The following APPL1 variants were observed in gnomAD, a reference collection of about 807,000 sequenced individuals.
APPL1 encodes adaptor protein, phosphotyrosine interacting with PH domain and leucine zipper 1, also known as DCC-interacting protein 13-alpha.
APPL1 carries 42 observed loss-of-function variants against 106.8 expected under a neutral mutation model. The ratio of observed to expected loss-of-function variants is 0.39; its 90% CI spans 0.31 to 0.51. The LOEUF (loss-of-function observed/expected upper bound fraction) is 0.51, where lower values mean the gene tolerates loss of function less well. Ranked by LOEUF, APPL1 falls within the 20% of genes least tolerant of loss-of-function variation. The probability of loss-of-function intolerance (pLI) is 0.75; values close to 1 mark genes in which losing one functional copy is unlikely to be tolerated. For missense variants in APPL1, 769 were observed against 858.2 expected (o/e 0.90, Z 1.30); for synonymous variants, 263 against 281.8 (o/e 0.93, Z 0.67).
chr3:57,268,712 C>A (rs2060912794), intron 21 of APPL1: 1 of 306,314 alleles, frequency 3.3e-6, no homozygotes, highest in Non-Finnish European at 5.7e-6. Context: ...CAAAAATATA[C>A]CAGAACTTTA....
intron 2 of APPL1, 38 bp downstream of exon 2, chr3:57,235,702 C>G: frequency 6.8e-7 from 1 of 1,475,992 alleles, no homozygotes; most frequent in Non-Finnish European, 9.4e-7. Flanking sequence ...TTTTAAAACA[C>G]GAATCTTTAA....
In APPL1 at chr3:57,271,481, C is replaced by T. The variant is rs1244788829; in HGVS notation, c.*1794C>T. ...AAGTTGGAATTTATTCTGTTGCCAG[C>T]ATTTAAGTAGTCATGGCAAGTCCTG... is the stretch of plus-strand genomic sequence containing the variant. On this transcript the variant is annotated 3_prime_UTR_variant, in exon 22 of 22. Transcript: ENST00000288266. The T allele has an allele frequency of 2.0e-5, 3 of 152,344 alleles. No homozygotes were observed. Among genetic ancestry groups the T allele is most frequent in the Non-Finnish European group, 4.4e-5 (3 of 68,026 alleles). 9.4% of individuals were successfully genotyped at this position (152,344 alleles called of 1,614,324 possible). A position where few individuals can be genotyped will look rare whatever the true frequency, so the allele number is the denominator to read the frequency against.
At chr3:57,235,378 T>C (rs1237070941) in intron 1 of APPL1, among the ~76,000 whole-genome samples, 188 bp from the exon 2 acceptor site, 1 of 152,140 alleles carries the variant, frequency 6.6e-6, no homozygotes, top group Non-Finnish European at 1.5e-5. Context: ...ACCTCTGCTT[T>C]GTTGAAGTGA....
chr3:57,262,287 T>C (rs2060870377), intron 19 of APPL1, among the ~76,000 whole-genome samples: 1 of 151,876 alleles, frequency 6.6e-6, no homozygotes, highest in African/African-American at 2.4e-5. Context: ...TTGCCTATAC[T>C]TTTGAGGTCT....
intron 15 of APPL1, among the ~76,000 whole-genome samples, chr3:57,257,882 T>G (rs964700579): frequency 1.3e-5 from 2 of 152,214 alleles, no homozygotes; most frequent in African/African-American, 4.8e-5. Flanking sequence ...AGTTGTATGA[T>G]GAATATTCTC....
intron 1 of APPL1, among the ~76,000 whole-genome samples, chr3:57,231,356 AAAAG>A (rs2060686135): frequency 6.7e-6 from 1 of 150,234 alleles, no homozygotes; most frequent in Non-Finnish European, 1.5e-5. Context: ...AAAAAAAAAA[AAAAG>A]AAAATTTTTT....
At chr3:57,253,005 T>A (rs979478800) in intron 12 of APPL1, among the ~76,000 whole-genome samples, 1 of 152,178 alleles carries the variant, frequency 6.6e-6, no homozygotes, top group Non-Finnish European at 1.5e-5. Flanking sequence ...AAAAGAGTAA[T>A]ATTAAAACTT....
At chr3:57,230,604 A>T (rs888205348) in intron 1 of APPL1, 1 of 270,466 alleles carries the variant, frequency 3.7e-6, no homozygotes, top group African/African-American at 2.3e-5. Context: ...TGATTTCACA[A>T]CCCTTTGCTG....
rs535981003 is a variant in APPL1, at chr3:57,234,241, A to G, written c.55-1325A>G. 1.3e-3 allele frequency among the ~76,000 whole-genome samples: 202 copies of G among 150,410 alleles called. 2 individuals are homozygous for G. The highest frequency in any genetic ancestry group is 1.4e-3 in the Non-Finnish European group (97 of 67,734). On this transcript the variant is annotated intron_variant, in intron 1 of 21. Transcript: ENST00000288266. ...TTTGGGATGTAATGTGAGTATGTCT[A>G]CCTTGCCTTTGATAGCCTTAGTTTC...
chr3:57,261,719 C>T (rs923018230), intron 19 of APPL1, among the ~76,000 whole-genome samples: 4 of 152,058 alleles, frequency 2.6e-5, no homozygotes, highest in South Asian at 2.1e-4. Context: ...GGGGTTTCAC[C>T]GTGTTAGCCA....
At chr3:57,234,397 A>G (rs1424730991) in intron 1 of APPL1, among the ~76,000 whole-genome samples, 1 of 145,410 alleles carries the variant, frequency 6.9e-6, no homozygotes, top group Non-Finnish European at 1.5e-5. Flanking sequence ...TCCCAGGTTC[A>G]CGCCATTCTC....
At chr3:57,254,715 C>T (rs1168274576) in intron 13 of APPL1, among the ~76,000 whole-genome samples, 1 of 152,222 alleles carries the variant, frequency 6.6e-6, no homozygotes, top group Non-Finnish European at 1.5e-5. Context: ...GCCTCTGCCT[C>T]CCGGGTTCAA....
chr3:57,258,468 C>T (rs1384495997), intron 15 of APPL1, among the ~76,000 whole-genome samples: 1 of 152,196 alleles, frequency 6.6e-6, no homozygotes, highest in African/African-American at 2.4e-5. Flanking sequence ...CCCTCCAAAA[C>T]CTACTTTGAG....
At chr3:57,252,445 G>A (rs1487072969) in intron 12 of APPL1, 134 bp downstream of exon 12, 1 of 639,084 alleles carries the variant, frequency 1.6e-6, no homozygotes, top group Admixed American at 3.4e-5. Context: ...TTTCTTTTTT[G>A]TTTTTGTAAA....
chr3:57,233,918 C>G (rs1023427018), intron 1 of APPL1, among the ~76,000 whole-genome samples: 2 of 151,896 alleles, frequency 1.3e-5, no homozygotes, highest in African/African-American at 4.8e-5. Context: ...CCTGTCACTA[C>G]AAAAAATAGA....
At chr3:57,267,275 C>G (rs1357049282) in intron 19 of APPL1, among the ~76,000 whole-genome samples, 1 of 152,180 alleles carries the variant, frequency 6.6e-6, no homozygotes, top group African/African-American at 2.4e-5. Flanking sequence ...GCTGCTTGAG[C>G]AAAGCATCTC....
rs1177757800 is a variant in APPL1, at chr3:57,256,998, C to T, written c.1194C>T (p.Val398=). 6.2e-6 allele frequency: 10 copies of T among 1,614,138 alleles called. No individual in the cohort carries two copies. The highest frequency in any genetic ancestry group is 8.5e-6 in the Non-Finnish European group (10 of 1,180,018). Reference sequence around the variant, plus strand: ...TAAATCAATCAGCTCTGGAAGCTGTCACTCCTTCCCCATCTTTCCAGCAGA... The same window carrying T: ...TAAATCAATCAGCTCTGGAAGCTGTTACTCCTTCCCCATCTTTCCAGCAGA... The part of the protein sequence containing the change: ...ARVNQSALEA[V]TPSPSFQQRH... Residue 398 remains valine (V), a synonymous_variant, in exon 14 of 22, where the codon GTC becomes GTT. Coordinates refer to ENST00000288266, the MANE Select transcript of APPL1 (RefSeq NM_012096.3).
At chr3:57,238,446 A>G (rs1302918652) in intron 4 of APPL1, among the ~76,000 whole-genome samples, 1 of 152,234 alleles carries the variant, frequency 6.6e-6, no homozygotes, top group African/African-American at 2.4e-5. Context: ...GCTATTAAGC[A>G]ACATTTTACT....
At position 57,268,451 on chromosome 3, in the gene APPL1, A is replaced by G. The variant is rs752305637; in HGVS notation, c.1947A>G (p.Gln649=). The change falls in exon 21 of 22, where the codon CAA becomes CAG. Residue 649 remains glutamine (Q), a synonymous_variant. Transcript: ENST00000288266. ...QKEIERVKEK[Q]QKELNKQKQI... Reference sequence around the variant, plus strand: ...AAATAGAGAGAGTAAAAGAGAAGCAACAGAAAGAACTCAATAAACAAAAAC... The same window carrying G: ...AAATAGAGAGAGTAAAAGAGAAGCAGCAGAAAGAACTCAATAAACAAAAAC... 3.1e-6 allele frequency: 5 copies of G among 1,605,364 alleles called. No homozygotes were observed. The highest frequency in any genetic ancestry group is 1.1e-5 in the South Asian group (1 of 90,336).
Sources: gnomAD v4.1 joint callset for allele counts (sites outside exome capture counted in the v4.1 genomes callset) on GRCh38, gnomAD v4.1.1 for gene constraint, MANE v1.5 for transcripts, NCBI Gene and HGNC (gene_info 2026-07-23, HGNC 2026-07-21) for gene names.